SLC4A4: variants seen among roughly 807,000 people sequenced by gnomAD.
The protein encoded by SLC4A4 is solute carrier family 4 member 4.
A neutral mutation model predicts 111.5 loss-of-function variants in SLC4A4; 27 were observed. The ratio of observed to expected loss-of-function variants is 0.24; its 90% CI spans 0.18 to 0.33. The LOEUF is 0.33. Ranked by LOEUF, SLC4A4 falls within the 10% of genes least tolerant of loss-of-function variation. The pLI is 1.00. For missense variants in SLC4A4, 909 were observed against 1,315.5 expected (o/e 0.69, Z 4.78); for synonymous variants, 443 against 463.4 (o/e 0.96, Z 0.57).
intron 3 of SLC4A4, among the ~76,000 whole-genome samples, chr4:71,337,842 A>T (rs1011544386): frequency 8.6e-5 from 13 of 151,530 alleles, no homozygotes; most frequent in Non-Finnish European, 5.9e-5. Flanking sequence ...TTAATTAATT[A>T]ATTTATAGAC....
intron 7 of SLC4A4, among the ~76,000 whole-genome samples, chr4:71,430,770 G>T (rs1393876849): frequency 6.6e-6 from 1 of 152,042 alleles, no homozygotes; most frequent in Non-Finnish European, 1.5e-5. Flanking sequence ...ACAGTCCTGT[G>T]CCCTTTCAAC....
At chr4:71,295,355 T>C (rs1393066434) in intron 3 of SLC4A4, among the ~76,000 whole-genome samples, 3 of 152,186 alleles carry the variant, frequency 2.0e-5, no homozygotes. Flanking sequence ...CCTAGGTGTA[T>C]ATCCAGCAAC....
chr4:71,524,821 G>A (rs940628456), intron 16 of SLC4A4, among the ~76,000 whole-genome samples: 10 of 151,986 alleles, frequency 6.6e-5, no homozygotes, highest in Non-Finnish European at 1.2e-4. Flanking sequence ...CATTTTCCAA[G>A]CACCACAATC....
chr4:71,472,592 G>A (rs895997506), intron 13 of SLC4A4, 107 bp from the exon 14 acceptor site: 2 of 1,146,366 alleles, frequency 1.7e-6, no homozygotes, highest in East Asian at 2.4e-5. Context: ...AGTGGCTAAA[G>A]GTGATCTTGT....
chr4:71,534,157 T>C (rs1238470306), intron 17 of SLC4A4, 70 bp from the exon 18 acceptor site: 3 of 1,304,780 alleles, frequency 2.3e-6, no homozygotes, highest in Non-Finnish European at 2.2e-6. Flanking sequence ...TGTCTTCCCG[T>C]TGGTTTTTTC....
intron 3 of SLC4A4, among the ~76,000 whole-genome samples, chr4:71,305,382 A>G (rs1725598124): frequency 6.6e-6 from 1 of 152,242 alleles, no homozygotes; most frequent in Non-Finnish European, 1.5e-5. Flanking sequence ...TTCAATTGCA[A>G]CTGTCCCTTT....
In SLC4A4 at chr4:71,560,070, AC is replaced by A. The variant is rs572334422; in HGVS notation, c.2938-22del. The A allele has an allele frequency of 2.5e-4, 397 of 1,582,168 alleles. 3 individuals are homozygous for A. In the South Asian group the frequency reaches 4.3e-3, roughly 17 times the overall value. ...CTTCATCTGACATGGTTTCTTTCAT[AC>A]TTTTAATATTTGCTCTTTCAGATCT... On this transcript the variant is annotated intron_variant, in intron 22 of 25. Coordinates refer to ENST00000264485, the MANE Select transcript of SLC4A4 (RefSeq NM_001098484.3).
chr4:71,555,851 A>G (rs1436991982), intron 21 of SLC4A4, among the ~76,000 whole-genome samples: 1 of 151,958 alleles, frequency 6.6e-6, no homozygotes, highest in Non-Finnish European at 1.5e-5. Context: ...CCTCAACAAC[A>G]TAGTGAGACC....
intron 2 of SLC4A4, among the ~76,000 whole-genome samples, chr4:71,244,306 A>G (rs904875785): frequency 6.6e-6 from 1 of 152,204 alleles, no homozygotes; most frequent in Non-Finnish European, 1.5e-5. Flanking sequence ...CTTTCTGCAT[A>G]ATACAAGGCA....
chr4:71,550,778 A>G (rs1241191750), intron 20 of SLC4A4, among the ~76,000 whole-genome samples: 1 of 151,974 alleles, frequency 6.6e-6, no homozygotes, highest in Non-Finnish European at 1.5e-5. Flanking sequence ...TGCATTAAGC[A>G]GTGTAGGAAG....
intron 3 of SLC4A4, chr4:71,300,633 C>T (rs371757783): frequency 9.3e-5 from 33 of 355,224 alleles, no homozygotes; most frequent in East Asian, 6.7e-4. Flanking sequence ...TATGCAGTGA[C>T]GACAGGCTTG....
chr4:71,289,387 A>G (rs1327809387), intron 3 of SLC4A4, among the ~76,000 whole-genome samples: 2 of 152,210 alleles, frequency 1.3e-5, no homozygotes, highest in Non-Finnish European at 2.9e-5. Flanking sequence ...TGTTAATTAC[A>G]ACTAGTTAGT....
intron 14 of SLC4A4, among the ~76,000 whole-genome samples, chr4:71,481,532 G>C (rs1197137066): frequency 6.6e-6 from 1 of 151,648 alleles, no homozygotes; most frequent in Non-Finnish European, 1.5e-5. Flanking sequence ...AGCCATACTT[G>C]ATCCACTTGT....
chr4:71,348,308 T>C (rs1282872044), intron 4 of SLC4A4, among the ~76,000 whole-genome samples: 2 of 102,992 alleles, frequency 1.9e-5, no homozygotes, highest in Admixed American at 2.5e-4. Flanking sequence ...GAAATACTAA[T>C]TTAGTCACAC....
At chr4:71,465,309 T>G (rs575881820) in intron 12 of SLC4A4, among the ~76,000 whole-genome samples, 1 of 152,124 alleles carries the variant, frequency 6.6e-6, no homozygotes, top group African/African-American at 2.4e-5. Context: ...TCTTTACTCA[T>G]TTGAAAATGT....
At chr4:71,268,739 T>A (rs1722488314) in intron 3 of SLC4A4, among the ~76,000 whole-genome samples, 1 of 152,230 alleles carries the variant, frequency 6.6e-6, no homozygotes, top group South Asian at 2.1e-4. Flanking sequence ...GTTTTCACAC[T>A]TTGCTTTTTT....
intron 16 of SLC4A4, among the ~76,000 whole-genome samples, chr4:71,502,591 T>G (rs971873962): frequency 6.6e-6 from 1 of 152,232 alleles, no homozygotes; most frequent in African/African-American, 2.4e-5. Context: ...ATTGGTTATT[T>G]AGTAGCATAC....
At chr4:71,077,192 G>T (rs1264373781) in intron 1 of SLC4A4, among the ~76,000 whole-genome samples, 3 of 148,944 alleles carry the variant, frequency 2.0e-5, no homozygotes, top group African/African-American at 4.9e-5. Flanking sequence ...ACGGAGTCTC[G>T]CTCTGTCACC....
intron 2 of SLC4A4, among the ~76,000 whole-genome samples, chr4:71,247,862 C>T (rs1409934859): frequency 6.6e-6 from 1 of 151,836 alleles, no homozygotes; most frequent in Non-Finnish European, 1.5e-5. Flanking sequence ...CACTGTTCTG[C>T]CTAGTGCTGG....
Sources: allele counts gnomAD v4.1 joint callset (sites outside exome capture counted in the v4.1 genomes callset), GRCh38; gene constraint gnomAD v4.1.1; transcripts MANE v1.5; gene names NCBI Gene and HGNC (gene_info 2026-07-23, HGNC 2026-07-21).